Variants in CLIC4 observed in about 807,000 individuals in gnomAD.
CLIC4 encodes the protein chloride intracellular channel protein 4.
In CLIC4, 13 loss-of-function variants were observed where a neutral mutation model predicts 24.6. That is an observed-to-expected ratio of 0.53 (90% CI 0.34 to 0.84). CLIC4 has a LOEUF of 0.84. Ranked by LOEUF, CLIC4 falls within the 40% of genes least tolerant of loss-of-function variation. The probability of loss-of-function intolerance (pLI) is 0.01; values close to 1 mark genes in which losing one functional copy is unlikely to be tolerated. For missense variants in CLIC4, 227 were observed against 301.7 expected, an observed-to-expected ratio of 0.75 and a Z score of 1.83; for synonymous variants, 104 against 111.3, an observed-to-expected ratio of 0.93 and a Z score of 0.41.
chr1:24,751,742 T>C (rs895840549), intron 1 of CLIC4, among the ~76,000 whole-genome samples: 1 of 152,204 alleles, frequency 6.6e-6, no homozygotes, highest in African/African-American at 2.4e-5. Context: ...CGGGCGCCTG[T>C]AATCCCGGCT....
rs145958058 is a variant in CLIC4 at position 24,840,791 on chromosome 1, C to T, written c.616C>T (p.Arg206Cys). The change falls in exon 6 of 6, where the codon CGC becomes TGC. Residue 206 changes from arginine (R) to cysteine (C), a missense_variant. Transcript: ENST00000374379. ...ATTTCAGGTGGTGGCCAAAAAATAT[C>T]GCAACTTTGATATTCCAAAAGAAAT... ...HIVKVVAKKY[R>C]NFDIPKEMTG... 1.4e-5 allele frequency: 23 copies of T among 1,603,336 alleles called. No homozygotes were observed. In the African/African-American group the frequency reaches 2.0e-4, roughly 14 times the overall value.
Position 24,799,737 on chromosome 1 carries a change from G to A in CLIC4, c.182+1886G>A, listed in dbSNP as rs1236230379. 4.1e-3 allele frequency among the ~76,000 whole-genome samples: 556 copies of A among 136,202 alleles called. 2 individuals are homozygous for A. The highest frequency in any genetic ancestry group is 0.014 in the African/African-American group (520 of 35,948). 89.4% of individuals were successfully genotyped at this position (136,202 alleles called of 152,430 possible). ...CCCCGCCCGGCCAGCCGCCCCGTCC[G>A]GGAGGGAGGTGGGGGGGTCAGCCCC... is the stretch of plus-strand genomic sequence containing the variant. On this transcript the variant is annotated intron_variant, in intron 2 of 5. Transcript: ENST00000374379.
rs1256995565 is a variant in CLIC4 at position 24,797,755 on chromosome 1, G to C, written c.86G>C (p.Gly29Ala). 6.2e-7 allele frequency: 1 copy of C among 1,611,596 alleles called. No homozygotes were observed. The change falls in exon 2 of 6, where the codon GGT becomes GCT. Residue 29 changes from glycine to alanine, a missense_variant. By Grantham distance (60) the Gly-to-Ala change is moderately conservative. Coordinates refer to ENST00000374379, the MANE Select transcript of CLIC4 (RefSeq NM_013943.3). ...IELFVKAGSD[G>A]ESIGNCPFSQ... ...TCTGTTTTCCAGGCTGGCAGTGATG[G>C]TGAAAGCATAGGAAACTGCCCCTTT... is the stretch of plus-strand genomic sequence containing the variant.
chr1:24,760,973 C>G (rs929669213), intron 1 of CLIC4, among the ~76,000 whole-genome samples: 4 of 152,060 alleles, frequency 2.6e-5, no homozygotes, highest in African/African-American at 7.2e-5. Context: ...TTCCAGTAAT[C>G]CAGGCATGAG....
intron 1 of CLIC4, among the ~76,000 whole-genome samples, chr1:24,765,417 G>T (rs994160246): frequency 2.6e-5 from 4 of 152,164 alleles, no homozygotes; most frequent in Non-Finnish European, 5.9e-5. Flanking sequence ...ACATGATTGG[G>T]AAAAAGCAAA....
intron 1 of CLIC4, among the ~76,000 whole-genome samples, chr1:24,752,004 G>T (rs888751506): frequency 4.5e-4 from 68 of 152,282 alleles, no homozygotes; most frequent in African/African-American, 1.5e-3. Flanking sequence ...CTGGGATTGG[G>T]GTGGTGTTTG....
chr1:24,786,832 A>C (rs1298273740), intron 1 of CLIC4, among the ~76,000 whole-genome samples: 1 of 151,740 alleles, frequency 6.6e-6, no homozygotes, highest in Non-Finnish European at 1.5e-5. Flanking sequence ...GTTAGCCAGG[A>C]TGGTCTCGAT....
In CLIC4 at chr1:24,839,766, T is replaced by A. The variant is rs893690463; in HGVS notation, c.416-94T>A. On this transcript the variant is annotated intron_variant, in intron 4 of 5. Transcript: ENST00000374379. Reference sequence around the variant, plus strand: ...TACCTTGTTTCAGAGTAAACATTTTTAAACAGTTATTGACTCAAAGAGTCT... The same window carrying A: ...TACCTTGTTTCAGAGTAAACATTTTAAAACAGTTATTGACTCAAAGAGTCT... 1.6e-5 allele frequency: 18 copies of A among 1,103,626 alleles called. No homozygotes were observed. The Admixed American group carries it at 4.4e-4, about 27-fold the overall frequency. The allele number at this position is 1,103,626 out of a possible 1,614,324, so 68.4% of individuals were successfully genotyped here.
chr1:24,795,646 C>T (rs568855070), intron 1 of CLIC4, among the ~76,000 whole-genome samples: 2 of 152,142 alleles, frequency 1.3e-5, no homozygotes, highest in Non-Finnish European at 2.9e-5. Flanking sequence ...TCTCGGCTCA[C>T]CGCAACCTCC....
chr1:24,799,604 GGT>G (rs1557805883), intron 2 of CLIC4, among the ~76,000 whole-genome samples: 9 of 145,846 alleles, frequency 6.2e-5, no homozygotes, highest in African/African-American at 2.4e-4. Context: ...GAGGTGGGGG[GGT>G]CAGCCCCCCG....
At position 24,840,115 on chromosome 1, in the gene CLIC4, C is replaced by T. The variant is rs1057249064; in HGVS notation, c.597+74C>T. 10 of 1,380,108 alleles carry T rather than the reference C, an allele frequency of 7.2e-6. No homozygotes were observed. The African/African-American group carries it at 8.6e-5, about 12-fold the overall frequency. The allele number at this position is 1,380,108 out of a possible 1,614,324, so 85.5% of individuals were successfully genotyped here. A position where few individuals can be genotyped will look rare whatever the true frequency, so the allele number is the denominator to read the frequency against. ...TTACTAAAGTGGCATTTCCTTTGTG[C>T]TCAAAACATTTCTGATTTTATATGA... On this transcript the variant is annotated intron_variant, in intron 5 of 5. Transcript: ENST00000374379.
At chr1:24,812,693 C>G (rs1257385214) in intron 2 of CLIC4, among the ~76,000 whole-genome samples, 1 of 151,980 alleles carries the variant, frequency 6.6e-6, no homozygotes, top group African/African-American at 2.4e-5. Flanking sequence ...AATACTATTA[C>G]AGCTATTATA....
At chr1:24,794,003 T>C (rs1178146600) in intron 1 of CLIC4, among the ~76,000 whole-genome samples, 1 of 152,198 alleles carries the variant, frequency 6.6e-6, no homozygotes, top group Non-Finnish European at 1.5e-5. Context: ...ACAGGCTGTG[T>C]TGATCTCTAG....
intron 1 of CLIC4, among the ~76,000 whole-genome samples, chr1:24,789,884 A>G (rs951519157): frequency 2.0e-5 from 3 of 151,842 alleles, no homozygotes; most frequent in African/African-American, 7.3e-5. Flanking sequence ...AAACATGGAC[A>G]TTTTCATACT....
chr1:24,745,494 A>G lies in CLIC4; in HGVS notation c.-60A>G. On this transcript the variant is annotated 5_prime_UTR_variant, in exon 1 of 6. Coordinates refer to ENST00000374379, the MANE Select transcript of CLIC4 (RefSeq NM_013943.3). ...GAACCGGCAGCCGGAGCAGTCCCGGAGCAGAAGCAGCAGCAGCAGCAGCAG... is the reference window on the plus strand; with the variant it reads ...GAACCGGCAGCCGGAGCAGTCCCGGGGCAGAAGCAGCAGCAGCAGCAGCAG... The G allele has an allele frequency of 1.4e-6, 2 of 1,479,708 alleles. No individual in the cohort carries two copies. The highest frequency in any genetic ancestry group is 1.8e-6 in the Non-Finnish European group (2 of 1,092,756). The allele number at this position is 1,479,708 out of a possible 1,614,324, so 91.7% of individuals were successfully genotyped here.
Position 24,796,628 on chromosome 1 carries a change from A to G in CLIC4, c.73-1114A>G, listed in dbSNP as rs540158030. Among the ~76,000 whole-genome samples the G allele has an allele frequency of 1.2e-4, 19 of 152,336 alleles. No homozygotes were observed. The South Asian group carries it at 3.7e-3, about 30-fold the overall frequency. ...TTGTAGCCTAGGAGCAATAGGCTATACCATGTAGACTAGGTGTGTAGTAGG... is the reference window on the plus strand; with the variant it reads ...TTGTAGCCTAGGAGCAATAGGCTATGCCATGTAGACTAGGTGTGTAGTAGG... On this transcript the variant is annotated intron_variant, in intron 1 of 5. Coordinates refer to ENST00000374379, the MANE Select transcript of CLIC4 (RefSeq NM_013943.3).
intron 2 of CLIC4, 24 bp downstream of exon 2, chr1:24,797,875 A>G (rs141496033): frequency 2.3e-4 from 344 of 1,509,376 alleles, no homozygotes; most frequent in African/African-American, 2.2e-3. Flanking sequence ...GCAGTTTGCA[A>G]TCAACTTAAG....
chr1:24,823,386 T>C (rs144951115), intron 3 of CLIC4, among the ~76,000 whole-genome samples: 45 of 152,342 alleles, frequency 3.0e-4, no homozygotes, highest in African/African-American at 1.0e-3. Flanking sequence ...AGCCTAGATA[T>C]ACTTAGCTAA....
At chr1:24,800,768 C>T (rs1045472160) in intron 2 of CLIC4, among the ~76,000 whole-genome samples, 1 of 152,136 alleles carries the variant, frequency 6.6e-6, no homozygotes, top group Non-Finnish European at 1.5e-5. Context: ...GACCTTACCC[C>T]CAACCCTGTG....
Sources: allele counts gnomAD v4.1 joint callset (sites outside exome capture counted in the v4.1 genomes callset), GRCh38; gene constraint gnomAD v4.1.1; transcripts MANE v1.5; gene names NCBI Gene and HGNC (gene_info 2026-07-23, HGNC 2026-07-21).